The following VPS51 variants were observed in gnomAD, a reference collection of about 807,000 sequenced individuals.
The protein encoded by VPS51 is VPS51 subunit of GARP complex, also known as vacuolar protein sorting-associated protein 51 homolog.
In VPS51, 55 loss-of-function variants were observed where a neutral mutation model predicts 65.1. The ratio of observed to expected loss-of-function variants is 0.84; its 90% CI spans 0.68 to 1.06. The LOEUF (loss-of-function observed/expected upper bound fraction) is 1.06. Ranked by LOEUF, VPS51 falls within the 50% of genes least tolerant of loss-of-function variation. VPS51 has a pLI of 0.00. For missense variants in VPS51, 943 were observed against 1,101.6 expected, an observed-to-expected ratio of 0.86 and a Z score of 2.04; for synonymous variants, 473 against 489.5, an observed-to-expected ratio of 0.97 and a Z score of 0.44.
chr11:65,097,282 T>C, intron 2 of VPS51, 155 bp downstream of exon 2: 1 of 1,146,994 alleles, frequency 8.7e-7, no homozygotes, highest in Non-Finnish European at 1.2e-6. Context: ...TGAGCCTTCG[T>C]TGTCAGACTA....
chr11:65,106,605 G>C lies in VPS51; in HGVS notation c.359-976G>C, dbSNP rs1434494698. 2.0e-5 allele frequency among the ~76,000 whole-genome samples: 3 copies of C among 152,154 alleles called. No homozygotes were observed. The South Asian group carries it at 6.2e-4, about 32-fold the overall frequency. On this transcript the variant is annotated intron_variant, in intron 2 of 9. Transcript: ENST00000279281. ...TCTCTACTAAAAATACAAAAAATTA[G>C]CTGGGTGTGGTGGCAGGCACCTGTA... is the stretch of plus-strand genomic sequence containing the variant.
At chr11:65,096,870 C>G in intron 1 of VPS51, 128 bp from the exon 2 acceptor site, 1 of 1,414,498 alleles carries the variant, frequency 7.1e-7, no homozygotes, top group East Asian at 2.5e-5. Flanking sequence ...GGATTCCTGA[C>G]AGCCGGCGGG....
intron 4 of VPS51, 34 bp from the exon 5 acceptor site, chr11:65,108,163 C>G: frequency 1.3e-6 from 2 of 1,587,416 alleles, no homozygotes; most frequent in South Asian, 2.2e-5. Context: ...CCGGCAGCCC[C>G]GGCCCTGCCC....
chr11:65,102,797 C>T (rs1473117519), intron 2 of VPS51, among the ~76,000 whole-genome samples: 4 of 152,166 alleles, frequency 2.6e-5, no homozygotes, highest in Non-Finnish European at 4.4e-5. Context: ...TTTTTCACTG[C>T]ATAGCGCTGC....
intron 6 of VPS51, 26 bp from the exon 7 acceptor site, chr11:65,109,679 C>T: frequency 6.5e-7 from 1 of 1,543,998 alleles, no homozygotes; most frequent in South Asian, 1.2e-5. Flanking sequence ...TACCCACTCC[C>T]TCTGTCCTCT....
At chr11:65,101,906 G>A (rs1285335160) in intron 2 of VPS51, among the ~76,000 whole-genome samples, 2 of 150,226 alleles carry the variant, frequency 1.3e-5, no homozygotes, top group African/African-American at 4.9e-5. Flanking sequence ...AACCAGCAAA[G>A]CCCCCTGAGC....
At position 65,110,466 on chromosome 11, in the gene VPS51, C is replaced by T. The variant is rs749751213; in HGVS notation, c.1879-16C>T. On this transcript the variant is annotated splice_polypyrimidine_tract_variant and intron_variant, in intron 7 of 9. Coordinates refer to ENST00000279281, the MANE Select transcript of VPS51 (RefSeq NM_013265.4). Reference sequence around the variant, plus strand: ...CCTGACTCGGGCCTCCTTGCAGTACCTCTTTTTACCACCAGGTGGGGCTCC... The same window carrying T: ...CCTGACTCGGGCCTCCTTGCAGTACTTCTTTTTACCACCAGGTGGGGCTCC... The T allele has an allele frequency of 8.1e-6, 13 of 1,613,848 alleles. No homozygotes were observed. Among genetic ancestry groups the T allele is most frequent in the Non-Finnish European group, 1.0e-5 (12 of 1,180,014 alleles).
At chr11:65,101,762 C>CAAAAAAAAAAAAA (rs1165429983) in intron 2 of VPS51, among the ~76,000 whole-genome samples, 2 of 26,348 alleles carry the variant, frequency 7.6e-5, no homozygotes, top group African/African-American at 9.6e-5. Context: ...GACCTTGTCT[C>CAAAAAAAAAAAAA]AAAAAAAAAA....
intron 2 of VPS51, among the ~76,000 whole-genome samples, chr11:65,105,657 T>C (rs1435763633): frequency 6.6e-6 from 1 of 152,176 alleles, no homozygotes; most frequent in Non-Finnish European, 1.5e-5. Flanking sequence ...AGTTGAGGGC[T>C]GAGTCCCCAA....
At position 65,107,889 on chromosome 11, in the gene VPS51, C is replaced by CA; in HGVS notation, c.593dup (p.Ala199GlyfsTer44). 1 of 1,551,444 alleles carries CA rather than the reference C, an allele frequency of 6.4e-7. No homozygotes were observed. The highest frequency in any genetic ancestry group is 8.7e-7 in the Non-Finnish European group (1 of 1,148,892). ...GTGCGTGGAACTGGGCGCCTATGGG[C>CA]AGGCGGTGCGCTACCAGGGCCGCGC... On this transcript the variant is annotated frameshift_variant, in exon 4 of 10. Transcript: ENST00000279281. LOFTEE classifies it high-confidence loss of function. This position sits in a 1 kb window ranked among gnomAD's most constrained non-coding sequence, Gnocchi z 4.0.
chr11:65,096,349 G>A lies in VPS51; in HGVS notation c.99G>A (p.Ala33=). 6.6e-7 allele frequency: 1 copy of A among 1,526,266 alleles called. No homozygotes were observed. Among genetic ancestry groups the A allele is most frequent in the Non-Finnish European group, 8.7e-7 (1 of 1,144,120 alleles). 94.5% of individuals were successfully genotyped at this position (1,526,266 alleles called of 1,614,324 possible). A position where few individuals can be genotyped will look rare whatever the true frequency, so the allele number is the denominator to read the frequency against. Reference sequence around the variant, plus strand: ...AGGCTCCGGAGCGTCGGCGGAAGGCGCACGGGATGCTGAAGCTTTACTACG... The same window carrying A: ...AGGCTCCGGAGCGTCGGCGGAAGGCACACGGGATGCTGAAGCTTTACTACG... The part of the protein sequence containing the change: ...EGEAPERRRK[A]HGMLKLYYGL... The change falls in exon 1 of 10, where the codon GCG becomes GCA. Residue 33 remains alanine (A), a synonymous_variant. Transcript: ENST00000279281.
intron 2 of VPS51, among the ~76,000 whole-genome samples, chr11:65,101,694 C>T (rs1947808776): frequency 7.8e-6 from 1 of 127,816 alleles, no homozygotes; most frequent in Non-Finnish European, 1.6e-5. Flanking sequence ...ACCTGGGAGG[C>T]AGAGGTTGCA....
chr11:65,102,164 C>T (rs1351436823), intron 2 of VPS51, among the ~76,000 whole-genome samples: 1 of 152,006 alleles, frequency 6.6e-6, no homozygotes, highest in Admixed American at 6.6e-5. Flanking sequence ...ATTACAGGCA[C>T]CTGCCACCAC....
At position 65,109,504 on chromosome 11, in the gene VPS51, C is replaced by T; in HGVS notation, c.1659+9C>T. On this transcript the variant is annotated intron_variant, in intron 6 of 9. Coordinates refer to ENST00000279281, the MANE Select transcript of VPS51 (RefSeq NM_013265.4). ...AACAGTTTCTGGTGCAGGTGAAGCA[C>T]TAGCTCCTAGCCGGGCAGGGAATGG... is the stretch of plus-strand genomic sequence containing the variant. 4 of 1,604,054 alleles carry T rather than the reference C, an allele frequency of 2.5e-6. No homozygotes were observed. Among genetic ancestry groups the T allele is most frequent in the Non-Finnish European group, 2.5e-6 (3 of 1,179,690 alleles).
Position 65,109,820 on chromosome 11 carries a change from G to A in VPS51, c.1775G>A (p.Arg592His), listed in dbSNP as rs879429468. The A allele has an allele frequency of 8.7e-6, 14 of 1,611,016 alleles. No homozygotes were observed. The highest frequency in any genetic ancestry group is 1.7e-4 in the Middle Eastern group (1 of 6,056). Reference protein sequence around the residue: ...VQGLVISQMLRKSVETRDWLS... With the variant: ...VQGLVISQMLHKSVETRDWLS... ...GGCCTGGTCATATCACAGATGCTGC[G>A]CAAGAGCGTGGAGACTCGCGACTGG... is the stretch of plus-strand genomic sequence containing the variant. Residue 592 changes from arginine to histidine, a missense_variant, in exon 7 of 10, where the codon CGC (arginine) becomes CAC (histidine). This residue lies in a region of VPS51 where 855 missense variants were observed against 953.7 expected (regional missense o/e 0.90). Coordinates refer to ENST00000279281, the MANE Select transcript of VPS51 (RefSeq NM_013265.4).
At position 65,096,998 on chromosome 11, in the gene VPS51, C is replaced by T. The variant is rs752462037; in HGVS notation, c.229C>T (p.Leu77=). ...AACACTAACCACCCAACTTCTTCAGCTGCGTAGAGAGTGCCCTCTGGCCCA... is the reference window on the plus strand; with the variant it reads ...AACACTAACCACCCAACTTCTTCAGTTGCGTAGAGAGTGCCCTCTGGCCCA... ...HFDPEVYLDK[L]RRECPLAQLM... Residue 77 remains leucine, a splice_region_variant and synonymous_variant, in exon 2 of 10, where the codon CTG becomes TTG. Transcript: ENST00000279281. The T allele has an allele frequency of 6.8e-6, 11 of 1,613,208 alleles. No individual in the cohort carries two copies. In the African/African-American group the frequency reaches 1.5e-4, roughly 22 times the overall value.
At chr11:65,098,297 C>A (rs964214159) in intron 2 of VPS51, among the ~76,000 whole-genome samples, 2 of 152,170 alleles carry the variant, frequency 1.3e-5, no homozygotes, top group Non-Finnish European at 2.9e-5. Context: ...GTGGTCTTGT[C>A]CCTCCCTTTC....
intron 2 of VPS51, 149 bp downstream of exon 2, chr11:65,097,276 C>A (rs1947777673): frequency 2.4e-6 from 3 of 1,229,446 alleles, no homozygotes; most frequent in Non-Finnish European, 1.1e-6. Flanking sequence ...TTCCTTTGAG[C>A]CTTCGTTGTC....
chr11:65,096,758 G>C (rs1242370804), intron 1 of VPS51: 6 of 680,268 alleles, frequency 8.8e-6, no homozygotes, highest in Non-Finnish European at 1.5e-5. Flanking sequence ...ACAGGCGCGG[G>C]GCTGGGCTTA....
Sources: gnomAD v4.1 joint callset for allele counts (sites outside exome capture counted in the v4.1 genomes callset) on GRCh38, gnomAD v4.1.1 for gene constraint, gnomAD v4.1.1 regional missense constraint, Gnocchi (gnomAD v3.1) non-coding constraint, MANE v1.5 for transcripts, NCBI Gene and HGNC (gene_info 2026-07-23, HGNC 2026-07-21) for gene names.